The following MAP2 variants were observed in gnomAD, a reference collection of about 807,000 sequenced individuals.
MAP2 encodes microtubule-associated protein 2.
MAP2 carries 14 observed loss-of-function variants against 137.6 expected under a neutral mutation model. The ratio of observed to expected loss-of-function variants is 0.10; its 90% CI spans 0.07 to 0.16. MAP2 has a LOEUF of 0.16. Among genes scored for constraint, MAP2 ranks in the 10% least tolerant of loss-of-function variants. The pLI is 1.00. For missense variants in MAP2, 2,088 were observed against 2,191.5 expected, an observed-to-expected ratio of 0.95 and a Z score of 0.94; for synonymous variants, 786 against 782.3, an observed-to-expected ratio of 1.00 and a Z score of -0.08.
intron 2 of MAP2, among the ~76,000 whole-genome samples, chr2:209,544,579 A>G (rs1199578041): frequency 1.3e-5 from 2 of 152,204 alleles, no homozygotes; most frequent in Non-Finnish European, 2.9e-5. Context: ...ACCTTGAGCA[A>G]GTCATTTTAC....
intron 12 of MAP2, among the ~76,000 whole-genome samples, chr2:209,709,416 T>C (rs2064637876): frequency 6.6e-6 from 1 of 152,286 alleles, no homozygotes; most frequent in South Asian, 2.1e-4. Context: ...TGCAGATCTT[T>C]CTATACAGGC....
chr2:209,575,356 C>G (rs2075160731), intron 2 of MAP2, among the ~76,000 whole-genome samples: 1 of 151,692 alleles, frequency 6.6e-6, no homozygotes, highest in Admixed American at 6.6e-5. Context: ...CCCGTCTCTA[C>G]TAAAAATTCA....
chr2:209,503,901 G>C lies in MAP2; in HGVS notation c.-221-3691G>C, dbSNP rs1003978697. The stretch of plus-strand genomic sequence containing the variant: ...AATATTTTGAATACAGTTTGTTTTT[G>C]AATCATGCTGTATTGAAACCCCATC... On this transcript the variant is annotated intron_variant, in intron 1 of 15. Transcript: ENST00000682079. 2.0e-5 allele frequency among the ~76,000 whole-genome samples: 3 copies of C among 151,996 alleles called. 1 individual carries two copies. The highest frequency in any genetic ancestry group is 7.2e-5 in the African/African-American group (3 of 41,388).
chr2:209,521,156 A>G (rs1325611470), intron 2 of MAP2, among the ~76,000 whole-genome samples: 3 of 152,072 alleles, frequency 2.0e-5, no homozygotes, highest in Admixed American at 6.6e-5. Flanking sequence ...CACTAAACAA[A>G]TGCTTTCTTG....
chr2:209,489,001 C>T (rs531183880), intron 1 of MAP2, among the ~76,000 whole-genome samples: 8 of 152,170 alleles, frequency 5.3e-5, no homozygotes, highest in Admixed American at 2.0e-4. Context: ...AGGGAGATAC[C>T]TCCCAGCAGG....
At chr2:209,730,055 G>C in intron 15 of MAP2, 93 bp downstream of exon 15, 3 of 1,164,120 alleles carry the variant, frequency 2.6e-6, no homozygotes, top group Non-Finnish European at 3.8e-6. Flanking sequence ...TGTAGACCTG[G>C]ACAAATAAGA....
chr2:209,440,186 C>T (rs1697408412), intron 1 of MAP2, among the ~76,000 whole-genome samples: 1 of 151,320 alleles, frequency 6.6e-6, no homozygotes, highest in Admixed American at 6.6e-5. Context: ...CCATGATATC[C>T]CAGTTGTGTC....
At chr2:209,573,886 G>A (rs2074860747) in intron 2 of MAP2, among the ~76,000 whole-genome samples, 1 of 152,060 alleles carries the variant, frequency 6.6e-6, no homozygotes, top group Non-Finnish European at 1.5e-5. Context: ...AAAATATATG[G>A]CCTTTTGTAA....
chr2:209,634,976 C>T (rs1175042871), intron 4 of MAP2, among the ~76,000 whole-genome samples: 1 of 152,100 alleles, frequency 6.6e-6, no homozygotes, highest in Non-Finnish European at 1.5e-5. Context: ...TGCCTGTAGT[C>T]CCGGCTACTT....
Position 209,653,668 on chromosome 2 carries a change from C to T in MAP2, c.262+236C>T, listed in dbSNP as rs138268491. On this transcript the variant is annotated intron_variant, in intron 5 of 15. Transcript: ENST00000682079. The stretch of plus-strand genomic sequence containing the variant: ...TTAATTTTTATCACGTGAATTTTTG[C>T]AGGCTGAGTATATGTATGTTTTGCT... Among the ~76,000 whole-genome samples, 1,186 of 152,196 alleles carry T rather than the reference C, an allele frequency of 7.8e-3. 17 individuals carry two copies. The highest frequency in any genetic ancestry group is 0.027 in the African/African-American group (1,104 of 41,530).
At chr2:209,514,152 A>C (rs565539093) in intron 2 of MAP2, among the ~76,000 whole-genome samples, 1 of 152,130 alleles carries the variant, frequency 6.6e-6, no homozygotes, top group South Asian at 2.1e-4. Context: ...TCATATGTAA[A>C]TCTAATCATT....
chr2:209,522,315 A>T (rs751257094), intron 2 of MAP2, among the ~76,000 whole-genome samples: 1 of 152,198 alleles, frequency 6.6e-6, no homozygotes, highest in Non-Finnish European at 1.5e-5. Flanking sequence ...GGCACCTGTC[A>T]CAAAACAGCA....
chr2:209,677,249 A>G (rs1457557690), intron 5 of MAP2, among the ~76,000 whole-genome samples: 1 of 151,968 alleles, frequency 6.6e-6, no homozygotes, highest in Non-Finnish European at 1.5e-5. Flanking sequence ...CACTAAAACA[A>G]ATATGCTAAT....
At chr2:209,502,742 A>G (rs1040879471) in intron 1 of MAP2, among the ~76,000 whole-genome samples, 13 of 152,114 alleles carry the variant, frequency 8.5e-5, no homozygotes, top group African/African-American at 3.1e-4. Flanking sequence ...CACCACATCC[A>G]ACACTTATTT....
chr2:209,471,404 C>T lies in MAP2; in HGVS notation c.-221-36188C>T, dbSNP rs1185191214. On this transcript the variant is annotated intron_variant, in intron 1 of 15. Transcript: ENST00000682079. ...GTCTGGTTTTGGTCACCAATGATAT[C>T]CCCAGTACCTAGCATGGTGCCTTAC... Among the ~76,000 whole-genome samples, 4 of 152,162 alleles carry T rather than the reference C, an allele frequency of 2.6e-5. No individual in the cohort carries two copies. In the South Asian group the frequency reaches 6.2e-4, roughly 24 times the overall value.
At chr2:209,591,837 T>C (rs1386077465) in intron 3 of MAP2, among the ~76,000 whole-genome samples, 1 of 152,210 alleles carries the variant, frequency 6.6e-6, no homozygotes, top group Admixed American at 6.5e-5. Context: ...CTCTCCCCTC[T>C]ATTTGTTAGG....
intron 1 of MAP2, among the ~76,000 whole-genome samples, chr2:209,450,550 C>T (rs947717328): frequency 3.3e-5 from 5 of 152,168 alleles, no homozygotes; most frequent in Non-Finnish European, 7.3e-5. Flanking sequence ...ATTTTTACTG[C>T]ATCACTTAGT....
chr2:209,552,775 C>T (rs774576202), intron 2 of MAP2, among the ~76,000 whole-genome samples: 9 of 151,942 alleles, frequency 5.9e-5, no homozygotes, highest in East Asian at 3.9e-4. Context: ...GCAGGAGTAT[C>T]GCTTGATCCC....
At chr2:209,663,300 C>G (rs745659005) in intron 5 of MAP2, among the ~76,000 whole-genome samples, 2 of 152,044 alleles carry the variant, frequency 1.3e-5, no homozygotes, top group Admixed American at 6.6e-5. Flanking sequence ...AGAGGATGAA[C>G]AGAACAACTG....
Sources: gnomAD v4.1 joint callset for allele counts (sites outside exome capture counted in the v4.1 genomes callset) on GRCh38, gnomAD v4.1.1 for gene constraint, MANE v1.5 for transcripts, NCBI Gene and HGNC (gene_info 2026-07-23, HGNC 2026-07-21) for gene names.